Variants in SPOCK1 observed in about 807,000 individuals in gnomAD.
The protein encoded by SPOCK1 is SPARC (osteonectin), cwcv and kazal like domains proteoglycan 1.
A neutral mutation model predicts 55.3 loss-of-function variants in SPOCK1; 23 were observed. The observed-to-expected ratio is 0.42, with a 90% confidence interval of 0.30 to 0.59. SPOCK1 has a LOEUF of 0.59. SPOCK1 is among the 20% of genes least tolerant of loss of function. The pLI is 0.22. For synonymous variants in SPOCK1, 226 were observed against 221.0 expected (o/e 1.02, Z -0.20); for missense variants, 499 against 552.5 (o/e 0.90, Z 0.97).
intron 3 of SPOCK1, among the ~76,000 whole-genome samples, chr5:137,221,050 T>A (rs1012976863): frequency 3.9e-5 from 6 of 152,192 alleles, no homozygotes; most frequent in Non-Finnish European, 8.8e-5. Flanking sequence ...AATAGGTGTG[T>A]CTCACTTTGA....
Position 137,415,227 on chromosome 5 carries a change from T to G in SPOCK1, c.186+83146A>C, listed in dbSNP as rs142066357. Among the ~76,000 whole-genome samples the G allele has an allele frequency of 6.4e-4, 98 of 152,318 alleles. No homozygotes were observed. In the East Asian group the frequency reaches 0.016, roughly 25 times the overall value. ...TGAGATAAATAGAGAAGAACCCATA[T>G]AGTTTGAGATTCCGATCACAAAAGG... is the stretch of plus-strand genomic sequence containing the variant. On this transcript the variant is annotated intron_variant, in intron 2 of 10. Transcript: ENST00000394945.
At chr5:137,470,480 C>T (rs1393149627) in intron 2 of SPOCK1, among the ~76,000 whole-genome samples, 1 of 152,072 alleles carries the variant, frequency 6.6e-6, no homozygotes. Flanking sequence ...AAGTCCAAAC[C>T]CAGACAGAGG....
chr5:137,445,083 G>A (rs567028544), intron 2 of SPOCK1, among the ~76,000 whole-genome samples: 11 of 152,070 alleles, frequency 7.2e-5, no homozygotes, highest in Non-Finnish European at 1.5e-4. Context: ...AGAGCATCAG[G>A]GCTCACATGA....
At chr5:137,411,992 A>G (rs1752217393) in intron 2 of SPOCK1, among the ~76,000 whole-genome samples, 1 of 152,202 alleles carries the variant, frequency 6.6e-6, no homozygotes, top group Admixed American at 6.5e-5. Context: ...AAGAAGAATG[A>G]GGGGAGAGAG....
chr5:137,149,303 T>C (rs528480928), intron 3 of SPOCK1, among the ~76,000 whole-genome samples: 8 of 152,192 alleles, frequency 5.3e-5, no homozygotes, highest in South Asian at 2.1e-4. Context: ...GGCCTCTAAG[T>C]AGAGAAAAAG....
chr5:137,108,946 A>C (rs1048139176), intron 5 of SPOCK1, among the ~76,000 whole-genome samples: 1 of 152,224 alleles, frequency 6.6e-6, no homozygotes, highest in Non-Finnish European at 1.5e-5. Flanking sequence ...TTTGACCAGC[A>C]AACATTTCCA....
chr5:137,162,570 G>T, intron 3 of SPOCK1, among the ~76,000 whole-genome samples: 1 of 152,140 alleles, frequency 6.6e-6, no homozygotes, highest in East Asian at 1.9e-4. Context: ...TGTGTGCAGA[G>T]GTGGGGGTGA....
chr5:137,341,897 T>C (rs1750438446), intron 2 of SPOCK1, among the ~76,000 whole-genome samples: 1 of 152,242 alleles, frequency 6.6e-6, no homozygotes, highest in Non-Finnish European at 1.5e-5. Context: ...AAAGCTTTTG[T>C]AGCCAAATTA....
intron 3 of SPOCK1, among the ~76,000 whole-genome samples, chr5:137,147,945 C>A (rs1054190127): frequency 1.3e-5 from 2 of 152,174 alleles, no homozygotes; most frequent in Non-Finnish European, 2.9e-5. Context: ...GGTAAAGTAA[C>A]TTCCCAGCAC....
In SPOCK1 at chr5:137,470,298, C is replaced by G. The variant is rs113854695; in HGVS notation, c.186+28075G>C. Among the ~76,000 whole-genome samples, 1,490 of 152,244 alleles carry G rather than the reference C, an allele frequency of 9.8e-3. 24 individuals carry two copies. Among genetic ancestry groups the G allele is most frequent in the African/African-American group, 0.034 (1,413 of 41,526 alleles). The stretch of plus-strand genomic sequence containing the variant: ...TACTTTTAAATTTTTGCTGATTGAT[C>G]AAGAAAAATTTAAAGAGAAATGCAA... On this transcript the variant is annotated intron_variant, in intron 2 of 10. Transcript: ENST00000394945.
At chr5:137,143,973 T>C (rs1242544246) in intron 3 of SPOCK1, among the ~76,000 whole-genome samples, 1 of 152,160 alleles carries the variant, frequency 6.6e-6, no homozygotes, top group African/African-American at 2.4e-5. Flanking sequence ...GCTCACCTCA[T>C]GCCAAGGGCC....
At chr5:137,270,531 T>C (rs1184271870) in intron 2 of SPOCK1, among the ~76,000 whole-genome samples, 1 of 152,192 alleles carries the variant, frequency 6.6e-6, no homozygotes, top group Non-Finnish European at 1.5e-5. Context: ...AACTAACCCA[T>C]ATGAGGAAAG....
At chr5:137,419,812 T>G (rs1325137700) in intron 2 of SPOCK1, among the ~76,000 whole-genome samples, 2 of 152,170 alleles carry the variant, frequency 1.3e-5, no homozygotes. Context: ...CTGCCAGTTT[T>G]CCCTGGCCAG....
At chr5:137,449,938 A>C (rs1458833404) in intron 2 of SPOCK1, among the ~76,000 whole-genome samples, 1 of 150,932 alleles carries the variant, frequency 6.6e-6, no homozygotes, top group Non-Finnish European at 1.5e-5. Flanking sequence ...AAAAGAAAGA[A>C]AGGAAACAAA....
chr5:137,310,997 G>A (rs1375712399), intron 2 of SPOCK1, among the ~76,000 whole-genome samples: 2 of 152,148 alleles, frequency 1.3e-5, no homozygotes, highest in East Asian at 3.9e-4. Context: ...AACAGGCCTT[G>A]GGGAACCCTT....
intron 2 of SPOCK1, among the ~76,000 whole-genome samples, chr5:137,496,648 A>G (rs1388082522): frequency 1.3e-5 from 2 of 152,200 alleles, no homozygotes; most frequent in Non-Finnish European, 2.9e-5. Flanking sequence ...AAAACAAAAC[A>G]AAAAGCAAAA....
At chr5:137,092,267 A>G (rs1015614288) in intron 5 of SPOCK1, among the ~76,000 whole-genome samples, 1 of 152,174 alleles carries the variant, frequency 6.6e-6, no homozygotes, top group Admixed American at 6.5e-5. Context: ...AAATGCTAAG[A>G]AAAAAAAGAT....
rs1339053797 is a variant in SPOCK1, at chr5:137,067,754, G to A, written c.550C>T (p.Pro184Ser). The A allele has an allele frequency of 6.2e-7, 1 of 1,614,128 alleles. No individual in the cohort carries two copies. The highest frequency in any genetic ancestry group is 8.5e-7 in the Non-Finnish European group (1 of 1,180,016). The stretch of plus-strand genomic sequence containing the variant: ...TTGTGCTTTGGTGGCTCAGGCTCTG[G>A]GAGACAGGGACAGGGCCCATCACAG... ...TLCDGPCPCL[P>S]EPEPPKHKAE... The change falls in exon 6 of 11, where the codon CCA becomes TCA. Residue 184 changes from proline to serine, a missense_variant. Transcript: ENST00000394945.
chr5:137,219,460 T>C (rs928103948), intron 3 of SPOCK1, among the ~76,000 whole-genome samples: 2 of 152,200 alleles, frequency 1.3e-5, no homozygotes, highest in Non-Finnish European at 2.9e-5. Flanking sequence ...GCTGCAAATA[T>C]GTTTCTTTAT....
Sources: gnomAD v4.1 joint callset for allele counts (sites outside exome capture counted in the v4.1 genomes callset) on GRCh38, gnomAD v4.1.1 for gene constraint, MANE v1.5 for transcripts, NCBI Gene and HGNC (gene_info 2026-07-23, HGNC 2026-07-21) for gene names.